The following LGALS9B variants were observed in gnomAD, a reference collection of about 807,000 sequenced individuals.
LGALS9B encodes galectin-9B.
A neutral mutation model predicts 35.9 loss-of-function variants in LGALS9B; 8 were observed. That is an observed-to-expected ratio of 0.22 (90% CI 0.13 to 0.40). The LOEUF (loss-of-function observed/expected upper bound fraction) is 0.40, where lower values mean the gene tolerates loss of function less well. Ranked by LOEUF, LGALS9B falls within the 10% of genes least tolerant of loss-of-function variation. The pLI, the probability that LGALS9B is intolerant of heterozygous loss-of-function variation, is 1.00. For synonymous variants in LGALS9B, 42 were observed against 148.6 expected, an observed-to-expected ratio of 0.28 and a Z score of 5.22; for missense variants, 101 against 397.9, an observed-to-expected ratio of 0.25 and a Z score of 6.35.
intron 10 of LGALS9B, among the ~76,000 whole-genome samples, chr17:20,451,243 AGT>A (rs2042646112): frequency 7.0e-6 from 1 of 141,892 alleles, no homozygotes; most frequent in Non-Finnish European, 1.6e-5. Context: ...ACCGCAAGCA[AGT>A]AACCTGCACT....
intron 1 of LGALS9B, among the ~76,000 whole-genome samples, chr17:20,464,876 T>A (rs946315969): frequency 6.6e-6 from 1 of 152,202 alleles, no homozygotes; most frequent in Non-Finnish European, 1.5e-5. Flanking sequence ...GCTGAGTCCC[T>A]GGCTGGCAGC....
At chr17:20,461,352 G>T (rs536820821) in intron 1 of LGALS9B, among the ~76,000 whole-genome samples, 1 of 151,800 alleles carries the variant, frequency 6.6e-6, no homozygotes, top group Admixed American at 6.6e-5. Flanking sequence ...GAAAAAGCCT[G>T]TGGTAGAAGA....
At chr17:20,466,362 A>G (rs2042762674) in intron 1 of LGALS9B, among the ~76,000 whole-genome samples, 4 of 151,784 alleles carry the variant, frequency 2.6e-5, no homozygotes, top group African/African-American at 9.7e-5. Flanking sequence ...TGGACTCAGT[A>G]TCACCAGAGG....
In LGALS9B at chr17:20,459,623, G is replaced by A. The variant is rs1211951171; in HGVS notation, c.131+729C>T. Among the ~76,000 whole-genome samples, 2 of 33,646 alleles carry A rather than the reference G, an allele frequency of 5.9e-5. 1 individual carries two copies. Among genetic ancestry groups the A allele is most frequent in the African/African-American group, 8.8e-4 (2 of 2,282 alleles). The allele number at this position is 33,646 out of a possible 152,430, so 22.1% of individuals were successfully genotyped here. A position where few individuals can be genotyped will look rare whatever the true frequency, so the allele number is the denominator to read the frequency against. On this transcript the variant is annotated intron_variant, in intron 2 of 10. Transcript: ENST00000423676. ...CTGGGACTGAGGCAGAGAGGCTTCCGAGAGAGAGCCATGAGTCCAGAGGCT... is the reference window on the plus strand; with the variant it reads ...CTGGGACTGAGGCAGAGAGGCTTCCAAGAGAGAGCCATGAGTCCAGAGGCT...
At chr17:20,466,551 G>A (rs1467821458) in intron 1 of LGALS9B, among the ~76,000 whole-genome samples, 25 of 144,098 alleles carry the variant, frequency 1.7e-4, no homozygotes, top group South Asian at 6.7e-4. Context: ...CCTGTGACAG[G>A]ACCCAGCCCA....
intron 1 of LGALS9B, among the ~76,000 whole-genome samples, chr17:20,461,655 T>G: frequency 9.4e-6 from 1 of 106,078 alleles, no homozygotes; most frequent in Non-Finnish European, 2.0e-5. Flanking sequence ...AGGTAGGGAG[T>G]GGTGGGGACT....
At position 20,449,568 on chromosome 17, in the gene LGALS9B, G is replaced by C. The variant is rs2042633199; in HGVS notation, c.*405C>G. The C allele has an allele frequency of 4.9e-6, 1 of 203,570 alleles. No individual in the cohort carries two copies. The highest frequency in any genetic ancestry group is 2.5e-5 in the African/African-American group (1 of 39,302). 12.6% of individuals were successfully genotyped at this position (203,570 alleles called of 1,614,324 possible). A position where few individuals can be genotyped will look rare whatever the true frequency, so the allele number is the denominator to read the frequency against. ...GGTGCAAGGTGAGAGTGAGGTTAAA[G>C]GTCAGAGAGGAGGGGCTGAGGAGGC... is the stretch of plus-strand genomic sequence containing the variant. On this transcript the variant is annotated 3_prime_UTR_variant, in exon 11 of 11. Coordinates refer to ENST00000423676, the MANE Select transcript of LGALS9B (RefSeq NM_001367292.2).
At chr17:20,464,083 T>C (rs1020711511) in intron 1 of LGALS9B, among the ~76,000 whole-genome samples, 6 of 126,758 alleles carry the variant, frequency 4.7e-5, no homozygotes, top group African/African-American at 1.8e-4. Context: ...TTTGTTTGTT[T>C]GTTTGTTGTG....
chr17:20,466,296 T>G (rs61084326), intron 1 of LGALS9B, among the ~76,000 whole-genome samples: 46,871 of 141,462 alleles, frequency 0.33, 6,679 homozygotes, highest in South Asian at 0.46. Context: ...TCTTCCTCTC[T>G]GGAGTCTAGA....
chr17:20,451,162 G>A (rs1165622059), intron 10 of LGALS9B, among the ~76,000 whole-genome samples: 3 of 151,076 alleles, frequency 2.0e-5, no homozygotes, highest in African/African-American at 4.9e-5. Context: ...CAGTGAAATC[G>A]TTGAATGAGT....
rs1437140222 is a variant in LGALS9B, at chr17:20,455,633, G to T, written c.445-235C>A. Among the ~76,000 whole-genome samples, 6 of 141,644 alleles carry T rather than the reference G, an allele frequency of 4.2e-5. No individual in the cohort carries two copies. In the East Asian group the frequency reaches 1.0e-3, roughly 24 times the overall value. The allele number at this position is 141,644 out of a possible 152,430, so 92.9% of individuals were successfully genotyped here. A position where few individuals can be genotyped will look rare whatever the true frequency, so the allele number is the denominator to read the frequency against. On this transcript the variant is annotated intron_variant, in intron 4 of 10. Coordinates refer to ENST00000423676, the MANE Select transcript of LGALS9B (RefSeq NM_001367292.2). ...TCCACCCGCAGGGGAGAGAGTCAGGGAAGGAGGGAATGAGAGATGAGGACC... is the reference window on the plus strand; with the variant it reads ...TCCACCCGCAGGGGAGAGAGTCAGGTAAGGAGGGAATGAGAGATGAGGACC...
chr17:20,461,287 C>T (rs1194052571), intron 1 of LGALS9B, among the ~76,000 whole-genome samples: 3 of 149,736 alleles, frequency 2.0e-5, no homozygotes, highest in Non-Finnish European at 4.5e-5. Context: ...TCAGTTTCCT[C>T]ATCTGTAAAA....
At position 20,461,156 on chromosome 17, in the gene LGALS9B, G is replaced by A. The variant is rs542438957; in HGVS notation, c.40-713C>T. On this transcript the variant is annotated intron_variant, in intron 1 of 10. Coordinates refer to ENST00000423676, the MANE Select transcript of LGALS9B (RefSeq NM_001367292.2). ...TTCTCTCTTCCGCGCCTCTTTAAAGGAGCTATGGGCCATGGTGAGGCATGC... is the reference window on the plus strand; with the variant it reads ...TTCTCTCTTCCGCGCCTCTTTAAAGAAGCTATGGGCCATGGTGAGGCATGC... 1.1e-3 allele frequency among the ~76,000 whole-genome samples: 161 copies of A among 150,940 alleles called. 2 individuals are homozygous for A. The South Asian group carries it at 0.034, about 32-fold the overall frequency.
At position 20,455,387 on chromosome 17, in the gene LGALS9B, T is replaced by C. The variant is rs1330659095; in HGVS notation, c.456A>G (p.Thr152=). The C allele has an allele frequency of 8.1e-6, 11 of 1,356,782 alleles. 3 individuals carry two copies. The highest frequency in any genetic ancestry group is 1.1e-5 in the Non-Finnish European group (11 of 970,368). 84.0% of individuals were successfully genotyped at this position (1,356,782 alleles called of 1,614,324 possible). ...LSYISFQNPR[T]VPVQPAFSTV... ...TGGAGAAGGCAGGCTGAACGGGGAC[T>C]GTGCGGGGATTCTGTTAAAACAAAA... Residue 152 remains threonine (T), a synonymous_variant, in exon 5 of 11, where the codon ACA becomes ACG. Transcript: ENST00000423676.
intron 9 of LGALS9B, 59 bp from the exon 10 acceptor site, chr17:20,451,702 C>T (rs942768293): frequency 7.2e-7 from 1 of 1,387,902 alleles, no homozygotes; most frequent in African/African-American, 1.4e-5. Context: ...CATTTCCTCC[C>T]CATCATCGCC....
intron 1 of LGALS9B, among the ~76,000 whole-genome samples, chr17:20,466,458 A>C (rs2042763593): frequency 6.7e-5 from 9 of 134,982 alleles, no homozygotes; most frequent in South Asian, 5.0e-4. Context: ...CACCCTCCCC[A>C]TTCTGTCTCC....
intron 7 of LGALS9B, 23 bp downstream of exon 7, chr17:20,452,994 C>T (rs550944172): frequency 7.2e-7 from 1 of 1,392,966 alleles, no homozygotes; most frequent in East Asian, 2.3e-5. Context: ...CAGCTGTGAA[C>T]TGATCAGAAC....
At chr17:20,454,540 G>T (rs1306159252) in intron 5 of LGALS9B, among the ~76,000 whole-genome samples, 1 of 150,182 alleles carries the variant, frequency 6.7e-6, no homozygotes, top group Non-Finnish European at 1.5e-5. Context: ...GGGAGATGGG[G>T]GTGGAGTGAC....
At chr17:20,466,210 C>G (rs533887778) in intron 1 of LGALS9B, among the ~76,000 whole-genome samples, 1 of 151,614 alleles carries the variant, frequency 6.6e-6, no homozygotes, top group South Asian at 2.1e-4. Context: ...TATGCAGGTT[C>G]TACCTTGGGG....
Sources: gnomAD v4.1 joint callset for allele counts (sites outside exome capture counted in the v4.1 genomes callset) on GRCh38, gnomAD v4.1.1 for gene constraint, MANE v1.5 for transcripts, NCBI Gene and HGNC (gene_info 2026-07-23, HGNC 2026-07-21) for gene names.